USP37: variants seen among roughly 807,000 people sequenced by gnomAD.
USP37 encodes the protein ubiquitin specific peptidase 37, also known as ubiquitin carboxyl-terminal hydrolase 37.
A neutral mutation model predicts 124.0 loss-of-function variants in USP37; 27 were observed. That is an observed-to-expected ratio of 0.22 (90% CI 0.16 to 0.30). USP37 has a LOEUF of 0.30. Among genes scored for constraint, USP37 ranks in the 10% least tolerant of loss-of-function variants. The pLI is 1.00. For missense variants in USP37, 889 were observed against 1,140.4 expected (o/e 0.78, Z 3.17); for synonymous variants, 365 against 388.0 (o/e 0.94, Z 0.70).
At chr2:218,487,004 G>C (rs1691608182) in intron 15 of USP37, among the ~76,000 whole-genome samples, 1 of 152,122 alleles carries the variant, frequency 6.6e-6, no homozygotes, top group Admixed American at 6.5e-5. Context: ...GGGATTACAG[G>C]CGTTAGCCAC....
At chr2:218,502,044 G>T (rs1032574066) in intron 11 of USP37, among the ~76,000 whole-genome samples, 1 of 151,946 alleles carries the variant, frequency 6.6e-6, no homozygotes, top group African/African-American at 2.4e-5. Context: ...CTTTAGGAAA[G>T]GAAGCAAATT....
intron 23 of USP37, among the ~76,000 whole-genome samples, chr2:218,457,899 A>T (rs75796480): frequency 0.018 from 2,710 of 151,768 alleles, 85 homozygotes; most frequent in African/African-American, 0.061. Flanking sequence ...AACACAAAAA[A>T]TTAGCTGGCG....
rs574876194 is a variant in USP37 at position 218,474,701 on chromosome 2, T to C, written c.2228A>G (p.Asp743Gly). 271 of 1,614,196 alleles carry C rather than the reference T, an allele frequency of 1.7e-4. 3 individuals carry two copies. The South Asian group carries it at 2.8e-3, about 17-fold the overall frequency. ...ATTTTCTGGCATTTCTTGAATATCATCTTCTGCAAATCCGGTATCTGGGCT... is the reference window on the plus strand; with the variant it reads ...ATTTTCTGGCATTTCTTGAATATCACCTTCTGCAAATCCGGTATCTGGGCT... The part of the protein sequence containing the change: ...TSSPDTGFAE[D>G]DIQEMPENPD... Residue 743 changes from aspartate (D) to glycine (G), a missense_variant, in exon 20 of 26, where the codon GAT (aspartate) becomes GGT (glycine). Physicochemically the swap from Asp to Gly is moderately conservative, Grantham distance 94. Around this residue, in one of 3 missense-constraint regions of USP37, gnomAD observed 504 missense variants for 714.3 expected, o/e 0.71. Coordinates refer to ENST00000258399, the MANE Select transcript of USP37 (RefSeq NM_020935.3).
At position 218,495,824 on chromosome 2, in the gene USP37, C is replaced by T. The variant is rs73074874; in HGVS notation, c.1408G>A (p.Ala470Thr). ...ENSPDISATR[A>T]YTCPVITNLE... is the part of the protein sequence containing the mutation. Reference sequence around the variant, plus strand: ...TTAGTAATAACAGGGCAAGTGTATGCTCTGGTAGCTGAAATATCTGGTGAA... The same window carrying T: ...TTAGTAATAACAGGGCAAGTGTATGTTCTGGTAGCTGAAATATCTGGTGAA... The change falls in exon 14 of 26, where the codon GCA becomes ACA. Residue 470 changes from alanine to threonine, a missense_variant. Coordinates refer to ENST00000258399, the MANE Select transcript of USP37 (RefSeq NM_020935.3). The T allele has an allele frequency of 1.3e-3, 2,145 of 1,613,946 alleles. 28 individuals carry two copies. In the African/African-American group the frequency reaches 0.025, roughly 19 times the overall value.
chr2:218,530,899 T>C (rs1195805464), intron 9 of USP37, among the ~76,000 whole-genome samples: 1 of 152,198 alleles, frequency 6.6e-6, no homozygotes. Flanking sequence ...AGGTCTAGTC[T>C]AACTCTCTTC....
In USP37 at chr2:218,485,747, T is replaced by C. The variant is rs374435715; in HGVS notation, c.1591-4A>G. 2 of 1,607,518 alleles carry C rather than the reference T, an allele frequency of 1.2e-6. No individual in the cohort carries two copies. Among genetic ancestry groups the C allele is most frequent in the Non-Finnish European group, 1.7e-6 (2 of 1,178,308 alleles). ...AAGAATACTCCAGTTCTTCGGCCTA[T>C]AAAAAGAAGGAAAAATAAAGCATGA... On this transcript the variant is annotated splice_polypyrimidine_tract_variant and splice_region_variant and intron_variant, in intron 15 of 25. Transcript: ENST00000258399.
At chr2:218,476,798 T>C in intron 19 of USP37, 42 bp downstream of exon 19, 1 of 1,572,082 alleles carries the variant, frequency 6.4e-7, no homozygotes. Flanking sequence ...CAGTAAGAGA[T>C]AAACAAATCT....
At chr2:218,542,122 G>C (rs1473135110) in intron 8 of USP37, among the ~76,000 whole-genome samples, 1 of 152,154 alleles carries the variant, frequency 6.6e-6, no homozygotes, top group Non-Finnish European at 1.5e-5. Flanking sequence ...ACTTTTACCT[G>C]AGATCACACT....
Position 218,454,749 on chromosome 2 carries a change from G to C in USP37, c.*181C>G. ...AATCAGCTACGGATGTGAGACCAAA[G>C]TTTCCATAAAATAGCATGGAGCATT... On this transcript the variant is annotated 3_prime_UTR_variant, in exon 26 of 26. Coordinates refer to ENST00000258399, the MANE Select transcript of USP37 (RefSeq NM_020935.3). The C allele has an allele frequency of 7.6e-7, 1 of 1,313,828 alleles. No homozygotes were observed. 81.4% of individuals were successfully genotyped at this position (1,313,828 alleles called of 1,614,324 possible).
chr2:218,504,594 TTTTTA>T (rs1260092100), intron 11 of USP37, among the ~76,000 whole-genome samples: 1 of 152,044 alleles, frequency 6.6e-6, no homozygotes, highest in Non-Finnish European at 1.5e-5. Flanking sequence ...TTGGGCTAAT[TTTTTA>T]TTTTATTTTA....
At position 218,547,024 on chromosome 2, in the gene USP37, G is replaced by A. The variant is rs777329582; in HGVS notation, c.497C>T (p.Pro166Leu). Residue 166 changes from proline (P) to leucine (L), a missense_variant, in exon 7 of 26, where the codon CCG becomes CTG. Pro to Leu is a moderately conservative substitution (Grantham distance 98). Coordinates refer to ENST00000258399, the MANE Select transcript of USP37 (RefSeq NM_020935.3). ...DIPFRKVLGN[P>L]GRGSIKTVAG... ...TACAGTCTTAATCGATCCTCTACCCGGATTACCAAGAACTTTTCGAAATGG... is the reference window on the plus strand; with the variant it reads ...TACAGTCTTAATCGATCCTCTACCCAGATTACCAAGAACTTTTCGAAATGG... The A allele has an allele frequency of 8.7e-6, 14 of 1,612,002 alleles. No individual in the cohort carries two copies. Among genetic ancestry groups the A allele is most frequent in the South Asian group, 2.2e-5 (2 of 90,526 alleles).
At chr2:218,503,860 A>G (rs1689528846) in intron 11 of USP37, among the ~76,000 whole-genome samples, 1 of 152,250 alleles carries the variant, frequency 6.6e-6, no homozygotes, top group South Asian at 2.1e-4. Flanking sequence ...TGGAACAAAT[A>G]GAAGACAATT....
At chr2:218,491,009 G>A (rs1042059901) in intron 14 of USP37, among the ~76,000 whole-genome samples, 1 of 152,142 alleles carries the variant, frequency 6.6e-6, no homozygotes, top group Non-Finnish European at 1.5e-5. Flanking sequence ...AAATAGCTGG[G>A]ACTACAGGTG....
At chr2:218,548,951 G>C (rs1172159720) in intron 6 of USP37, among the ~76,000 whole-genome samples, 1 of 151,968 alleles carries the variant, frequency 6.6e-6, no homozygotes, top group Non-Finnish European at 1.5e-5. Flanking sequence ...TTATGCTGAG[G>C]GAAGCCAGAC....
At chr2:218,511,111 T>C (rs2106003881) in intron 10 of USP37, among the ~76,000 whole-genome samples, 1 of 152,320 alleles carries the variant, frequency 6.6e-6, no homozygotes, top group South Asian at 2.1e-4. Context: ...TATAGTTGTT[T>C]ACTCTTTTCT....
intron 11 of USP37, among the ~76,000 whole-genome samples, chr2:218,506,060 C>T (rs879427639): frequency 9.9e-5 from 15 of 151,886 alleles, no homozygotes; most frequent in Middle Eastern, 3.4e-3. Context: ...GATGGGGTTT[C>T]GCTATGTTGC....
At chr2:218,531,444 T>C (rs1691316677) in intron 9 of USP37, among the ~76,000 whole-genome samples, 1 of 152,252 alleles carries the variant, frequency 6.6e-6, no homozygotes, top group African/African-American at 2.4e-5. Flanking sequence ...AAAATACTAC[T>C]GCTCCTTGAC....
At chr2:218,538,064 A>G (rs1004170448) in intron 8 of USP37, among the ~76,000 whole-genome samples, 30 of 152,224 alleles carry the variant, frequency 2.0e-4, no homozygotes, top group Non-Finnish European at 2.6e-4. Context: ...CAAGTAAGAA[A>G]GAGATGACAA....
intron 14 of USP37, among the ~76,000 whole-genome samples, chr2:218,490,391 T>C (rs1691863511): frequency 6.6e-6 from 1 of 152,236 alleles, no homozygotes; most frequent in South Asian, 2.1e-4. Flanking sequence ...TGGATACTTC[T>C]ATTAGGCAGC....
Sources: allele counts gnomAD v4.1 joint callset (sites outside exome capture counted in the v4.1 genomes callset), GRCh38; gene constraint gnomAD v4.1.1; regional missense constraint gnomAD v4.1.1; transcripts MANE v1.5; gene names NCBI Gene and HGNC (gene_info 2026-07-23, HGNC 2026-07-21).